INSR: variants seen among roughly 807,000 people sequenced by gnomAD.
INSR encodes IR.
In INSR, 67 loss-of-function variants were observed where a neutral mutation model predicts 142.6. That is an observed-to-expected ratio of 0.47 (90% CI 0.39 to 0.58). The LOEUF (loss-of-function observed/expected upper bound fraction) is 0.58, where lower values mean the gene tolerates loss of function less well. INSR is among the 20% of genes least tolerant of loss of function. INSR has a pLI of 0.00. For synonymous variants in INSR, 756 were observed against 743.1 expected, an observed-to-expected ratio of 1.02 and a Z score of -0.28; for missense variants, 1,248 against 1,833.2, an observed-to-expected ratio of 0.68 and a Z score of 5.83.
intron 2 of INSR, among the ~76,000 whole-genome samples, chr19:7,248,787 T>C (rs111279478): frequency 0.19 from 22,484 of 118,844 alleles, 2,020 homozygotes; most frequent in Middle Eastern, 0.29. Flanking sequence ...AGACGGAGTC[T>C]CACTCTGTTG....
rs41507444 is a variant in INSR, at chr19:7,117,040, G to A, written c.*16C>T. On this transcript the variant is annotated 3_prime_UTR_variant, in exon 22 of 22. Transcript: ENST00000302850. ...AAAATGGGAACCCCTGCCCGCCCCC[G>A]CCACGGTAGGCACTGTTAGGAAGGA... 7.4e-4 allele frequency: 1,100 copies of A among 1,478,198 alleles called. 6 individuals carry two copies. In the African/African-American group the frequency reaches 0.011, roughly 15 times the overall value. The allele number at this position is 1,478,198 out of a possible 1,614,324, so 91.6% of individuals were successfully genotyped here.
intron 2 of INSR, among the ~76,000 whole-genome samples, chr19:7,234,902 C>CA (rs1199784840): frequency 1.3e-5 from 2 of 151,734 alleles, no homozygotes; most frequent in Non-Finnish European, 2.9e-5. Flanking sequence ...ACGAAAAATA[C>CA]AAAAAATTAG....
chr19:7,171,756 C>G (rs1443105043), intron 5 of INSR, among the ~76,000 whole-genome samples: 1 of 152,114 alleles, frequency 6.6e-6, no homozygotes, highest in African/African-American at 2.4e-5. Flanking sequence ...TTTTGTTTCT[C>G]AAGAATGACT....
chr19:7,171,786 T>A (rs1244752969), intron 5 of INSR, among the ~76,000 whole-genome samples: 1 of 152,142 alleles, frequency 6.6e-6, no homozygotes, highest in African/African-American at 2.4e-5. Flanking sequence ...CTTTTACAAT[T>A]TTTGGCTGGA....
intron 9 of INSR, among the ~76,000 whole-genome samples, chr19:7,153,221 ACG>A (rs1295035843): frequency 7.2e-5 from 4 of 55,370 alleles, no homozygotes; most frequent in Non-Finnish European, 9.5e-5. Context: ...CACCACACAC[ACG>A]CACCACACAC....
chr19:7,146,998 A>G (rs1475607932), intron 11 of INSR, among the ~76,000 whole-genome samples: 1 of 152,030 alleles, frequency 6.6e-6, no homozygotes, highest in Non-Finnish European at 1.5e-5. Context: ...TATAGTTTAA[A>G]GTTTATTTCT....
Position 7,119,718 on chromosome 19 carries a change from A to G in INSR, c.3660-135T>C, listed in dbSNP as rs755555740. On this transcript the variant is annotated intron_variant, in intron 20 of 21. Coordinates refer to ENST00000302850, the MANE Select transcript of INSR (RefSeq NM_000208.4). The surrounding 1 kb of genome is among the most constrained non-coding windows in gnomAD (Gnocchi z 5.2). The stretch of plus-strand genomic sequence containing the variant: ...CCAACACATACATGCAAACACACAC[A>G]TGCAAACACACACGCACATACACGT... 33 of 966,102 alleles carry G rather than the reference A, an allele frequency of 3.4e-5. No homozygotes were observed. Among genetic ancestry groups the G allele is most frequent in the Non-Finnish European group, 5.0e-5 (31 of 618,672 alleles). 59.8% of individuals were successfully genotyped at this position (966,102 alleles called of 1,614,324 possible). A position where few individuals can be genotyped will look rare whatever the true frequency, so the allele number is the denominator to read the frequency against.
chr19:7,194,352 C>T (rs908542320), intron 2 of INSR, among the ~76,000 whole-genome samples: 1 of 151,532 alleles, frequency 6.6e-6, no homozygotes, highest in African/African-American at 2.4e-5. Flanking sequence ...AGGAGGCAGT[C>T]GTTGCAGTCA....
In INSR at chr19:7,117,187, C is replaced by A. The variant is rs1972355242; in HGVS notation, c.4018G>T (p.Ala1340Ser). ...DRSSHCQREE[A>S]GGRDGGSSLG... ...GAGGACCCTCCATCCCGGCCCCCCG[C>A]CTCCTCCCTCTGACAGTGCGAGGAA... Residue 1340 changes from alanine to serine, a missense_variant, in exon 22 of 22, where the codon GCG becomes TCG. Coordinates refer to ENST00000302850, the MANE Select transcript of INSR (RefSeq NM_000208.4). 1 of 1,614,080 alleles carries A rather than the reference C, an allele frequency of 6.2e-7. No individual in the cohort carries two copies. The highest frequency in any genetic ancestry group is 1.7e-5 in the Admixed American group (1 of 60,004).
intron 1 of INSR, among the ~76,000 whole-genome samples, chr19:7,286,722 T>G (rs531093784): frequency 6.6e-6 from 1 of 151,986 alleles, no homozygotes; most frequent in South Asian, 2.1e-4. Context: ...CTGTGTTTTT[T>G]TTTTCCTTTC....
At chr19:7,167,869 A>G in intron 7 of INSR, 99 bp downstream of exon 7, 1 of 1,436,910 alleles carries the variant, frequency 7.0e-7, no homozygotes, top group Non-Finnish European at 9.8e-7. Flanking sequence ...GGAGGGAGAT[A>G]GACAGGAACC....
intron 2 of INSR, among the ~76,000 whole-genome samples, chr19:7,261,759 G>C (rs146930541): frequency 1.3e-5 from 2 of 152,100 alleles, no homozygotes; most frequent in African/African-American, 4.8e-5. Context: ...TCGAACTCCT[G>C]ACCTCAAGCG....
intron 2 of INSR, among the ~76,000 whole-genome samples, chr19:7,185,906 A>C (rs929750671): frequency 6.9e-6 from 1 of 144,030 alleles, no homozygotes; most frequent in Non-Finnish European, 1.5e-5. Flanking sequence ...AGGAAGGAAA[A>C]AAAAAAGGCT....
chr19:7,291,801 T>C (rs1192939243), intron 1 of INSR, among the ~76,000 whole-genome samples: 1 of 151,974 alleles, frequency 6.6e-6, no homozygotes, highest in African/African-American at 2.4e-5. Flanking sequence ...TGGATTTTCT[T>C]TTTATTTATT....
chr19:7,165,383 G>T (rs1973866937), intron 8 of INSR, among the ~76,000 whole-genome samples: 1 of 152,132 alleles, frequency 6.6e-6, no homozygotes, highest in East Asian at 1.9e-4. Flanking sequence ...GAGGGAACAG[G>T]CGTCGAGATG....
At chr19:7,181,439 G>A (rs1035520768) in intron 3 of INSR, among the ~76,000 whole-genome samples, 10 of 152,090 alleles carry the variant, frequency 6.6e-5, no homozygotes, top group African/African-American at 2.4e-4. Flanking sequence ...CCTTCCCAGT[G>A]GATACCCCAT....
At chr19:7,230,817 A>AT (rs925663851) in intron 2 of INSR, among the ~76,000 whole-genome samples, 5 of 151,524 alleles carry the variant, frequency 3.3e-5, no homozygotes, top group East Asian at 1.9e-4. Context: ...AAAATAAAAA[A>AT]AAAATAAAAA....
intron 2 of INSR, among the ~76,000 whole-genome samples, chr19:7,208,929 G>A (rs1975195467): frequency 6.6e-6 from 1 of 152,140 alleles, no homozygotes; most frequent in Admixed American, 6.6e-5. Context: ...CTTGAACAGG[G>A]GAGTTGGAAG....
At chr19:7,165,008 T>A (rs768270920) in intron 8 of INSR, among the ~76,000 whole-genome samples, 10 of 152,028 alleles carry the variant, frequency 6.6e-5, no homozygotes, top group Non-Finnish European at 1.2e-4. Flanking sequence ...ACGCCTGTAG[T>A]TGCAGCTACT....
Sources: gnomAD v4.1 joint callset for allele counts (sites outside exome capture counted in the v4.1 genomes callset) on GRCh38, gnomAD v4.1.1 for gene constraint, Gnocchi (gnomAD v3.1) non-coding constraint, MANE v1.5 for transcripts, NCBI Gene and HGNC (gene_info 2026-07-23, HGNC 2026-07-21) for gene names.